Variants in ZNF407 observed in about 807,000 individuals in gnomAD.
The protein encoded by ZNF407 is zinc finger protein 407.
In ZNF407, 17 loss-of-function variants were observed where a neutral mutation model predicts 131.2. The ratio of observed to expected loss-of-function variants is 0.13; its 90% confidence interval spans 0.09 to 0.19. The LOEUF (loss-of-function observed/expected upper bound fraction) is 0.19. ZNF407 is among the 10% of genes least tolerant of loss of function. The pLI is 1.00. For synonymous variants in ZNF407, 1,156 were observed against 1,062.0 expected (o/e 1.09, Z -1.72); for missense variants, 2,681 against 2,830.6 (o/e 0.95, Z 1.20).
intron 8 of ZNF407, among the ~76,000 whole-genome samples, chr18:74,957,154 G>T (rs1373443164): frequency 6.6e-6 from 1 of 152,098 alleles, no homozygotes. Flanking sequence ...GACTGTGGAC[G>T]TGGGACTCCA....
intron 4 of ZNF407, among the ~76,000 whole-genome samples, chr18:74,816,251 C>A (rs1227530411): frequency 3.3e-5 from 5 of 152,160 alleles, no homozygotes; most frequent in Non-Finnish European, 4.4e-5. Context: ...ATTTCACCTT[C>A]TGATTCAACC....
chr18:75,055,462 C>T (rs946329476), intron 8 of ZNF407, among the ~76,000 whole-genome samples: 2 of 152,214 alleles, frequency 1.3e-5, no homozygotes, highest in Non-Finnish European at 2.9e-5. Context: ...TTCTCATCTT[C>T]CTGAGTGAGA....
intron 8 of ZNF407, among the ~76,000 whole-genome samples, chr18:74,923,019 G>C (rs1380115411): frequency 6.6e-6 from 1 of 152,210 alleles, no homozygotes; most frequent in Non-Finnish European, 1.5e-5. Flanking sequence ...TGTTTGACAT[G>C]ATCATTTTTA....
intron 3 of ZNF407, among the ~76,000 whole-genome samples, chr18:74,709,446 T>G (rs1019665213): frequency 1.3e-5 from 2 of 152,256 alleles, no homozygotes; most frequent in Non-Finnish European, 2.9e-5. Flanking sequence ...CTGATTACTT[T>G]GACAAGTAAT....
chr18:74,695,455 C>A (rs990975436), intron 3 of ZNF407, among the ~76,000 whole-genome samples: 2 of 150,384 alleles, frequency 1.3e-5, no homozygotes, highest in African/African-American at 4.9e-5. Context: ...TTTTTTTTTC[C>A]TTCTTCATTC....
chr18:74,788,950 T>A (rs1969773536), intron 4 of ZNF407, among the ~76,000 whole-genome samples: 1 of 151,964 alleles, frequency 6.6e-6, no homozygotes, highest in South Asian at 2.1e-4. Flanking sequence ...AGGGGTTTTG[T>A]GCGGATGGGT....
At chr18:74,888,823 T>C (rs1276447755) in intron 6 of ZNF407, among the ~76,000 whole-genome samples, 1 of 152,220 alleles carries the variant, frequency 6.6e-6, no homozygotes, top group East Asian at 1.9e-4. Context: ...AAAGAAATAC[T>C]TTGTTCAAGA....
intron 8 of ZNF407, among the ~76,000 whole-genome samples, chr18:75,028,669 A>G (rs1429921349): frequency 1.3e-5 from 2 of 152,208 alleles, no homozygotes; most frequent in African/African-American, 4.8e-5. Flanking sequence ...AGGTACTGAG[A>G]TAGAAGGGCA....
At chr18:74,999,219 G>A (rs1972813281) in intron 8 of ZNF407, among the ~76,000 whole-genome samples, 2 of 92,736 alleles carry the variant, frequency 2.2e-5, no homozygotes, top group African/African-American at 8.4e-5. Context: ...GAGGGGGGAG[G>A]GATAGCATTG....
At chr18:74,853,498 A>G (rs148100128) in intron 4 of ZNF407, among the ~76,000 whole-genome samples, 248 of 152,308 alleles carry the variant, frequency 1.6e-3, no homozygotes, top group Middle Eastern at 0.014. Context: ...TTGCATCGTT[A>G]GGCTTTACGA....
intron 8 of ZNF407, among the ~76,000 whole-genome samples, chr18:75,011,206 A>C (rs1199562525): frequency 6.6e-6 from 1 of 152,220 alleles, no homozygotes; most frequent in African/African-American, 2.4e-5. Context: ...CACAAACACG[A>C]ATAAAGAAAA....
At chr18:74,769,341 C>T (rs1969312789) in intron 3 of ZNF407, among the ~76,000 whole-genome samples, 1 of 151,926 alleles carries the variant, frequency 6.6e-6, no homozygotes, top group African/African-American at 2.4e-5. Flanking sequence ...AACAGAAGGC[C>T]CCACCAATGT....
rs144197440 is a variant in ZNF407, at chr18:75,048,056, A to G, written c.5429-15094A>G. ...CCTTATATTGGTTTTTATATAGAAT[A>G]TGGCACGTGTTGGTATTCATAACTC... On this transcript the variant is annotated intron_variant, in intron 8 of 8. Transcript: ENST00000299687. The surrounding 1 kb of genome is among the most constrained non-coding windows in gnomAD (Gnocchi z 4.1). 1.3e-5 allele frequency among the ~76,000 whole-genome samples: 2 copies of G among 152,346 alleles called. No homozygotes were observed. Among genetic ancestry groups the G allele is most frequent in the Admixed American group, 6.5e-5 (1 of 15,308 alleles).
intron 1 of ZNF407, among the ~76,000 whole-genome samples, chr18:74,601,517 G>T (rs967857873): frequency 6.6e-6 from 1 of 152,154 alleles, no homozygotes; most frequent in African/African-American, 2.4e-5. Context: ...AAGAAAAGAG[G>T]TTTCACTGGC....
At chr18:74,857,789 TTGGTTATATTTTATGTTGA>T (rs1261687609) in intron 4 of ZNF407, among the ~76,000 whole-genome samples, 3 of 152,106 alleles carry the variant, frequency 2.0e-5, no homozygotes, top group Admixed American at 6.5e-5. Context: ...TTGATTATAT[TTGGTTATATTTTATGTTGA>T]TGGCAAATGT....
At chr18:75,040,927 T>C (rs1973365267) in intron 8 of ZNF407, among the ~76,000 whole-genome samples, 2 of 152,216 alleles carry the variant, frequency 1.3e-5, no homozygotes, top group African/African-American at 2.4e-5. Flanking sequence ...ACTAATGCTG[T>C]GTCCTGCTCG....
intron 8 of ZNF407, among the ~76,000 whole-genome samples, chr18:74,952,521 A>G (rs1030548122): frequency 1.3e-5 from 2 of 152,212 alleles, no homozygotes; most frequent in African/African-American, 4.8e-5. Context: ...ATGATAAGTA[A>G]ATAAACTAAC....
chr18:74,745,362 A>T (rs1968643648), intron 3 of ZNF407, among the ~76,000 whole-genome samples: 1 of 64,554 alleles, frequency 1.5e-5, no homozygotes, highest in Non-Finnish European at 3.4e-5. Context: ...AATATTGCTA[A>T]TTTCTTCAGA....
intron 8 of ZNF407, among the ~76,000 whole-genome samples, chr18:75,029,700 G>T (rs1469494777): frequency 6.6e-6 from 1 of 152,264 alleles, no homozygotes; most frequent in African/African-American, 2.4e-5. Flanking sequence ...AGCTCGTGCA[G>T]GTGCTAGTTG....
Sources: allele counts gnomAD v4.1 joint callset (sites outside exome capture counted in the v4.1 genomes callset), GRCh38; gene constraint gnomAD v4.1.1; non-coding constraint Gnocchi (gnomAD v3.1); transcripts MANE v1.5; gene names NCBI Gene and HGNC (gene_info 2026-07-23, HGNC 2026-07-21).